Variants in CLK2 observed in about 807,000 individuals in gnomAD.
CLK2 encodes dual specificity protein kinase CLK2.
In CLK2, 12 loss-of-function variants were observed where a neutral mutation model predicts 73.5. That is an observed-to-expected ratio of 0.16 (90% CI 0.10 to 0.26). The LOEUF (loss-of-function observed/expected upper bound fraction) is 0.26. Ranked by LOEUF, CLK2 falls within the 10% of genes least tolerant of loss-of-function variation. The pLI is 1.00. For missense variants in CLK2, 509 were observed against 688.4 expected (o/e 0.74, Z 2.92); for synonymous variants, 232 against 237.9 (o/e 0.98, Z 0.23).
Position 155,268,609 on chromosome 1 carries a change from C to G in CLK2, c.487+99G>C. 8.6e-7 allele frequency: 1 copy of G among 1,163,180 alleles called. No homozygotes were observed. The highest frequency in any genetic ancestry group is 1.3e-6 in the Non-Finnish European group (1 of 774,322). The allele number at this position is 1,163,180 out of a possible 1,614,324, so 72.1% of individuals were successfully genotyped here. On this transcript the variant is annotated intron_variant, in intron 4 of 12. Transcript: ENST00000368361. The surrounding 1 kb of genome is among the most constrained non-coding windows in gnomAD (Gnocchi z 5.6). ...CAAACCACCCAGATAAACAACACCACTGAGAAAAGGCAAGAGGCTGTGACT... is the reference window on the plus strand; with the variant it reads ...CAAACCACCCAGATAAACAACACCAGTGAGAAAAGGCAAGAGGCTGTGACT...
rs1673037694 is a variant in CLK2, at chr1:155,262,917, T to C, written c.*301A>G. 2 of 330,000 alleles carry C rather than the reference T, an allele frequency of 6.1e-6. No individual in the cohort carries two copies. Among genetic ancestry groups the C allele is most frequent in the South Asian group, 2.0e-4 (2 of 10,112 alleles). The allele number at this position is 330,000 out of a possible 1,614,324, so 20.4% of individuals were successfully genotyped here. ...TTTATTTCACAAAGACTGTACAAAA[T>C]TCCTTATAAAACATGGGGTAGATGC... On this transcript the variant is annotated 3_prime_UTR_variant, in exon 13 of 13. Transcript: ENST00000368361.
In CLK2 at chr1:155,268,481, A is replaced by G; in HGVS notation, c.488-122T>C. 1 of 847,476 alleles carries G rather than the reference A, an allele frequency of 1.2e-6. No homozygotes were observed. Among genetic ancestry groups the G allele is most frequent in the Non-Finnish European group, 2.0e-6 (1 of 506,470 alleles). The allele number at this position is 847,476 out of a possible 1,614,324, so 52.5% of individuals were successfully genotyped here. On this transcript the variant is annotated intron_variant, in intron 4 of 12. Coordinates refer to ENST00000368361, the MANE Select transcript of CLK2 (RefSeq NM_001294338.2). The surrounding 1 kb of genome is among the most constrained non-coding windows in gnomAD (Gnocchi z 5.6). ...GATGAAGGAAGGGGAACAGATACAG[A>G]TGGTCACAGGGGAAGAAAACCCCTG...
intron 7 of CLK2, 81 bp downstream of exon 7, chr1:155,266,648 G>T: frequency 1.4e-6 from 2 of 1,445,912 alleles, no homozygotes; most frequent in East Asian, 2.4e-5. Context: ...CTGTTTAGGG[G>T]CTTCACCAGT....
chr1:155,264,129 G>T, intron 11 of CLK2, 89 bp from the exon 12 acceptor site: 1 of 1,556,050 alleles, frequency 6.4e-7, no homozygotes, highest in Non-Finnish European at 8.9e-7. Flanking sequence ...GGGGGGAGAG[G>T]AGGTATCAAA....
intron 3 of CLK2, 107 bp downstream of exon 3, chr1:155,269,379 AGT>A (rs1436615243): frequency 2.1e-6 from 2 of 954,594 alleles, no homozygotes; most frequent in Non-Finnish European, 3.2e-6. Context: ...TGCCCACCTC[AGT>A]GTTCATGCCC....
Position 155,262,901 on chromosome 1 carries a change from CAA to C in CLK2, c.*315_*316del, listed in dbSNP as rs1379645690. The C allele has an allele frequency of 3.5e-6, 1 of 287,516 alleles. No individual in the cohort carries two copies. The highest frequency in any genetic ancestry group is 6.1e-5 in the East Asian group (1 of 16,348). The allele number at this position is 287,516 out of a possible 1,614,324, so 17.8% of individuals were successfully genotyped here. ...AAATGAAGCACGTTATTTTATTTCA[CAA>C]AGACTGTACAAAATTCCTTATAAAA... On this transcript the variant is annotated 3_prime_UTR_variant, in exon 13 of 13. Transcript: ENST00000368361.
At chr1:155,273,075 G>T (rs1458405235) in intron 1 of CLK2, 126 bp downstream of exon 1, 1 of 152,078 alleles carries the variant, frequency 6.6e-6, no homozygotes, top group East Asian at 1.9e-4. Context: ...CTACTCCGTC[G>T]CTTCGTAGGT....
Position 155,269,602 on chromosome 1 carries a change from A to G in CLK2, c.285T>C (p.Tyr95=), listed in dbSNP as rs757895648. 1.8e-5 allele frequency: 29 copies of G among 1,614,056 alleles called. No individual in the cohort carries two copies. The South Asian group carries it at 2.2e-4, about 12-fold the overall frequency. The change falls in exon 3 of 13, where the codon TAT becomes TAC. Residue 95 remains tyrosine, a synonymous_variant. Coordinates refer to ENST00000368361, the MANE Select transcript of CLK2 (RefSeq NM_001294338.2). The part of the protein sequence containing the change: ...DRGDAYYDTD[Y]RHSYEYQREN... ...CCCGCTGATATTCATAGGAATGCCG[A>G]TAGTCTGTGTCATAGTAGGCATCTC... is the stretch of plus-strand genomic sequence containing the variant.
Position 155,263,390 on chromosome 1 carries a change from G to A in CLK2, c.1328C>T (p.Thr443Ile), listed in dbSNP as rs1364614857. 2 of 1,613,930 alleles carry A rather than the reference G, an allele frequency of 1.2e-6. No homozygotes were observed. The highest frequency in any genetic ancestry group is 1.7e-6 in the Non-Finnish European group (2 of 1,180,028). The change falls in exon 13 of 13, where the codon ACC becomes ATC. Residue 443 changes from threonine (T) to isoleucine (I), a missense_variant. Physicochemically the swap from Thr to Ile is moderately conservative, Grantham distance 89. Around this residue, in one of 6 missense-constraint regions of CLK2, gnomAD observed 134 missense variants for 146.0 expected, o/e 0.92. Coordinates refer to ENST00000368361, the MANE Select transcript of CLK2 (RefSeq NM_001294338.2). ...CTGGTGGTGTTCCTCTGCCTCTGAG[G>A]TCAGATACCGCTGGTGGAGGAGGGC... ...ENCKPLRRYLTSEAEEHHQLF... is the reference protein window; with the variant it reads ...ENCKPLRRYLISEAEEHHQLF...
Position 155,262,961 on chromosome 1 carries a change from G to A in CLK2, c.*257C>T, listed in dbSNP as rs1364290362. ...TAGATGCCACCTGGTTACCTCACTC[G>A]GCCCCCATCCAACTCCGTATGAGGG... is the stretch of plus-strand genomic sequence containing the variant. On this transcript the variant is annotated 3_prime_UTR_variant, in exon 13 of 13. Coordinates refer to ENST00000368361, the MANE Select transcript of CLK2 (RefSeq NM_001294338.2). 4.9e-6 allele frequency: 2 copies of A among 404,626 alleles called. No homozygotes were observed. Among genetic ancestry groups the A allele is most frequent in the Non-Finnish European group, 8.8e-6 (2 of 228,232 alleles). The allele number at this position is 404,626 out of a possible 1,614,324, so 25.1% of individuals were successfully genotyped here. A position where few individuals can be genotyped will look rare whatever the true frequency, so the allele number is the denominator to read the frequency against.
chr1:155,269,796 A>G, intron 2 of CLK2, 80 bp from the exon 3 acceptor site: 1 of 1,299,388 alleles, frequency 7.7e-7, no homozygotes. Flanking sequence ...GTCCTGCCTT[A>G]GTGAGGACAA....
Position 155,263,297 on chromosome 1 carries a change from A to G in CLK2, c.1421T>C (p.Leu474Pro). Residue 474 changes from leucine (L) to proline (P), a missense_variant, in exon 13 of 13, where the codon CTT becomes CCT. Coordinates refer to ENST00000368361, the MANE Select transcript of CLK2 (RefSeq NM_001294338.2). ...PAKRLTLGEA[L>P]QHPFFARLRA... Reference sequence around the variant, plus strand: ...AAGGCGGGCGAAGAAAGGATGCTGAAGGGCTTCACCCAAGGTCAGCCGCTT... The same window carrying G: ...AAGGCGGGCGAAGAAAGGATGCTGAGGGGCTTCACCCAAGGTCAGCCGCTT... The G allele has an allele frequency of 6.2e-7, 1 of 1,614,210 alleles. No individual in the cohort carries two copies. Among genetic ancestry groups the G allele is most frequent in the Non-Finnish European group, 8.5e-7 (1 of 1,180,048 alleles).
At chr1:155,266,961 C>A (rs907542872) in intron 6 of CLK2, 66 bp from the exon 7 acceptor site, 2 of 1,551,608 alleles carry the variant, frequency 1.3e-6, no homozygotes, top group Non-Finnish European at 8.8e-7. Flanking sequence ...AGCCATCCAA[C>A]AAGGAGGTAC....
Position 155,268,703 on chromosome 1 carries a change from T to C in CLK2, c.487+5A>G, listed in dbSNP as rs1673343564. On this transcript the variant is annotated splice_donor_5th_base_variant and intron_variant, in intron 4 of 12. Coordinates refer to ENST00000368361, the MANE Select transcript of CLK2 (RefSeq NM_001294338.2). The surrounding 1 kb of genome is among the most constrained non-coding windows in gnomAD (Gnocchi z 5.6). ...GCTATAGGATTGTTACGATTTGGCT[T>C]GTACATCGCTCTTGTAGCCAGTCCC... The C allele has an allele frequency of 6.2e-7, 1 of 1,613,452 alleles. No individual in the cohort carries two copies. The highest frequency in any genetic ancestry group is 1.3e-5 in the African/African-American group (1 of 74,842).
intron 1 of CLK2, among the ~76,000 whole-genome samples, chr1:155,272,576 G>GT (rs1301707920): frequency 1.3e-5 from 2 of 152,112 alleles, no homozygotes; most frequent in East Asian, 3.9e-4. Context: ...CCACCATTCT[G>GT]TATCACTTCT....
Position 155,268,962 on chromosome 1 carries a change from G to A in CLK2, c.400-167C>T, listed in dbSNP as rs969877479. 23 of 627,702 alleles carry A rather than the reference G, an allele frequency of 3.7e-5. No homozygotes were observed. Among genetic ancestry groups the A allele is most frequent in the African/African-American group, 7.3e-5 (4 of 55,104 alleles). The allele number at this position is 627,702 out of a possible 1,614,324, so 38.9% of individuals were successfully genotyped here. A position where few individuals can be genotyped will look rare whatever the true frequency, so the allele number is the denominator to read the frequency against. On this transcript the variant is annotated intron_variant, in intron 3 of 12. Transcript: ENST00000368361. The surrounding 1 kb of genome is among the most constrained non-coding windows in gnomAD (Gnocchi z 5.6). ...CACGTCAGATGCAGTAAGGTGGATC[G>A]GTGTGAGAAGAGAGAGCGGCGCATA...
In CLK2 at chr1:155,265,838, G is replaced by C. The variant is rs746522251; in HGVS notation, c.933+22C>G. The C allele has an allele frequency of 7.4e-5, 113 of 1,522,110 alleles. No homozygotes were observed. In the East Asian group the frequency reaches 2.4e-3, roughly 33 times the overall value. The allele number at this position is 1,522,110 out of a possible 1,614,324, so 94.3% of individuals were successfully genotyped here. On this transcript the variant is annotated intron_variant, in intron 8 of 12. Coordinates refer to ENST00000368361, the MANE Select transcript of CLK2 (RefSeq NM_001294338.2). ...GCAGCTGCCTGCCCCCAGTAACCAA[G>C]GGCAGACCCTATCCATCTTACCTTC... is the stretch of plus-strand genomic sequence containing the variant.
intron 1 of CLK2, among the ~76,000 whole-genome samples, chr1:155,272,989 G>A (rs1037038167): frequency 2.0e-5 from 3 of 151,974 alleles, no homozygotes; most frequent in African/African-American, 7.3e-5. Flanking sequence ...ATCCCTTCTA[G>A]TCTGGTTCCG....
chr1:155,265,592 A>AATAAATAAATAAATAAATAAATAT (rs3065804), intron 8 of CLK2, among the ~76,000 whole-genome samples: 9,441 of 149,790 alleles, frequency 0.063, 338 homozygotes, highest in Middle Eastern at 0.083. Flanking sequence ...TAAATAAATA[A>AATAAATAAATAAATAAATAAATAT]ATAAATAAAT....
Sources: gnomAD v4.1 joint callset for allele counts (sites outside exome capture counted in the v4.1 genomes callset) on GRCh38, gnomAD v4.1.1 for gene constraint, gnomAD v4.1.1 regional missense constraint, Gnocchi (gnomAD v3.1) non-coding constraint, MANE v1.5 for transcripts, NCBI Gene and HGNC (gene_info 2026-07-23, HGNC 2026-07-21) for gene names.